The following SCAMP1 variants were observed in gnomAD, a reference collection of about 807,000 sequenced individuals.
The protein encoded by SCAMP1 is secretory carrier-associated membrane protein 1.
In SCAMP1, 15 loss-of-function variants were observed where a neutral mutation model predicts 41.8. That is an observed-to-expected ratio of 0.36 (90% CI 0.24 to 0.55). The LOEUF is 0.55. Ranked by LOEUF, SCAMP1 falls within the 20% of genes least tolerant of loss-of-function variation. SCAMP1 has a pLI of 0.86. For synonymous variants in SCAMP1, 135 were observed against 136.8 expected, an observed-to-expected ratio of 0.99 and a Z score of 0.09; for missense variants, 341 against 412.6, an observed-to-expected ratio of 0.83 and a Z score of 1.50.
chr5:78,469,832 A>C (rs1320860837), intron 8 of SCAMP1, among the ~76,000 whole-genome samples: 5 of 141,134 alleles, frequency 3.5e-5, no homozygotes, highest in Admixed American at 7.3e-5. Flanking sequence ...TGAGGCGAGG[A>C]GTTTGAGATC....
chr5:78,382,313 T>C (rs1359258656), intron 1 of SCAMP1, among the ~76,000 whole-genome samples: 2 of 152,236 alleles, frequency 1.3e-5, no homozygotes, highest in Non-Finnish European at 2.9e-5. Flanking sequence ...GAGATGTTCA[T>C]TATAAATGCT....
At chr5:78,405,323 G>A (rs1444088561) in intron 2 of SCAMP1, among the ~76,000 whole-genome samples, 1 of 151,704 alleles carries the variant, frequency 6.6e-6, no homozygotes, top group Non-Finnish European at 1.5e-5. Flanking sequence ...TCATCTTGTC[G>A]CACCCTCTCC....
At chr5:78,453,539 A>G (rs1323388774) in intron 7 of SCAMP1, among the ~76,000 whole-genome samples, 166 of 151,434 alleles carry the variant, frequency 1.1e-3, no homozygotes, top group African/African-American at 3.9e-3. Context: ...TGTTCCATTG[A>G]TCTATATCTC....
chr5:78,376,794 G>A (rs12653791), intron 1 of SCAMP1, among the ~76,000 whole-genome samples: 37,358 of 152,090 alleles, frequency 0.25, 4,985 homozygotes, highest in East Asian at 0.54. Context: ...AGAAATACTG[G>A]CAGATTGATC....
intron 6 of SCAMP1, among the ~76,000 whole-genome samples, chr5:78,429,425 T>TG (rs1752546015): frequency 6.6e-6 from 1 of 151,668 alleles, no homozygotes; most frequent in Admixed American, 6.6e-5. Context: ...CCATGATCTG[T>TG]GGAGATAATC....
rs61523492 is a variant in SCAMP1, at chr5:78,382,776, G to GGTGTGTGTGTGTGT, written c.58-6031_58-6018dup. Among the ~76,000 whole-genome samples, 17 of 130,344 alleles carry GGTGTGTGTGTGTGT rather than the reference G, an allele frequency of 1.3e-4. No homozygotes were observed. The East Asian group carries it at 2.7e-3, about 21-fold the overall frequency. The allele number at this position is 130,344 out of a possible 152,430, so 85.5% of individuals were successfully genotyped here. A position where few individuals can be genotyped will look rare whatever the true frequency, so the allele number is the denominator to read the frequency against. ...TTTTCATGGCTGAGTAGTATTCCAT[G>GGTGTGTGTGTGTGT]GTGTGTGTGTGTGTGTGTGTGTGTG... On this transcript the variant is annotated intron_variant, in intron 1 of 8. Transcript: ENST00000621999.
chr5:78,453,801 A>T (rs2112216918), intron 7 of SCAMP1, among the ~76,000 whole-genome samples: 1 of 152,018 alleles, frequency 6.6e-6, no homozygotes, highest in South Asian at 2.1e-4. Context: ...CACGATATTG[A>T]TTCTTCCTAC....
At chr5:78,377,402 T>C (rs1251235594) in intron 1 of SCAMP1, among the ~76,000 whole-genome samples, 2 of 152,162 alleles carry the variant, frequency 1.3e-5, no homozygotes, top group South Asian at 2.1e-4. Flanking sequence ...TTATGTCTCA[T>C]ATTCAGTCTC....
intron 6 of SCAMP1, among the ~76,000 whole-genome samples, chr5:78,448,953 T>C (rs953293068): frequency 2.0e-5 from 3 of 151,548 alleles, no homozygotes; most frequent in Non-Finnish European, 2.9e-5. Flanking sequence ...TGAGCCAAGA[T>C]TGCGCCATTG....
chr5:78,474,580 A>C (rs1029078011), intron 8 of SCAMP1, among the ~76,000 whole-genome samples: 1 of 152,060 alleles, frequency 6.6e-6, no homozygotes, highest in African/African-American at 2.4e-5. Flanking sequence ...ACCAGTTCCT[A>C]TCCAGGTTTG....
intron 2 of SCAMP1, among the ~76,000 whole-genome samples, chr5:78,390,331 A>G (rs1023471807): frequency 2.6e-5 from 4 of 152,224 alleles, no homozygotes; most frequent in Admixed American, 6.5e-5. Flanking sequence ...GCCTTTGCTT[A>G]TATGTAGCAA....
chr5:78,416,575 G>A lies in SCAMP1; in HGVS notation c.269G>A (p.Arg90His), dbSNP rs763582841. Residue 90 changes from arginine to histidine, a missense_variant, in exon 4 of 9, where the codon CGC becomes CAC. Arg to His is a conservative substitution (Grantham distance 29). Coordinates refer to ENST00000621999, the MANE Select transcript of SCAMP1 (RefSeq NM_004866.6). ...TTGGCCCAAGCTGAACTTCTTAAGC[G>A]CCAGGAAGAACTAGAAAGAAAAGCC... ...HALAQAELLKRQEELERKAAE... is the reference protein window; with the variant it reads ...HALAQAELLKHQEELERKAAE... The A allele has an allele frequency of 3.0e-5, 48 of 1,598,200 alleles. No homozygotes were observed. The highest frequency in any genetic ancestry group is 1.0e-4 in the Admixed American group (6 of 58,114).
rs781006533 is a variant in SCAMP1, at chr5:78,478,503, C to CT, written c.*2837dup. ...ACCTTTACAGGTAATGGAACATGAG[C>CT]TTCACCCATATTAAATATTTTGGCC... On this transcript the variant is annotated 3_prime_UTR_variant, in exon 9 of 9. Transcript: ENST00000621999. 3 of 152,232 alleles carry CT rather than the reference C, an allele frequency of 2.0e-5. No homozygotes were observed. Among genetic ancestry groups the CT allele is most frequent in the Non-Finnish European group, 4.4e-5 (3 of 67,972 alleles). The allele number at this position is 152,232 out of a possible 1,614,324, so 9.4% of individuals were successfully genotyped here. A position where few individuals can be genotyped will look rare whatever the true frequency, so the allele number is the denominator to read the frequency against.
At chr5:78,376,646 T>C (rs1362716010) in intron 1 of SCAMP1, among the ~76,000 whole-genome samples, 2 of 152,184 alleles carry the variant, frequency 1.3e-5, no homozygotes, top group African/African-American at 4.8e-5. Flanking sequence ...TACTTCACAT[T>C]AATTATATCT....
intron 1 of SCAMP1, among the ~76,000 whole-genome samples, chr5:78,371,985 A>G (rs1750953848): frequency 6.6e-6 from 1 of 152,208 alleles, no homozygotes; most frequent in Non-Finnish European, 1.5e-5. Flanking sequence ...TAGTAGAAGA[A>G]AACACAAAAC....
chr5:78,449,067 T>C (rs1753152011), intron 6 of SCAMP1, among the ~76,000 whole-genome samples: 1 of 152,010 alleles, frequency 6.6e-6, no homozygotes, highest in South Asian at 2.1e-4. Flanking sequence ...GGCAGTTTCT[T>C]AAAAAGTTAA....
At chr5:78,397,862 T>TAACAA (rs1751690779) in intron 2 of SCAMP1, among the ~76,000 whole-genome samples, 1 of 152,200 alleles carries the variant, frequency 6.6e-6, no homozygotes, top group Non-Finnish European at 1.5e-5. Context: ...TTCAACATTG[T>TAACAA]TAGCTGTCAA....
At chr5:78,404,011 A>T (rs1379450633) in intron 2 of SCAMP1, among the ~76,000 whole-genome samples, 1 of 143,462 alleles carries the variant, frequency 7.0e-6, no homozygotes, top group Admixed American at 7.4e-5. Flanking sequence ...TGTCCTAGCT[A>T]CTCAGGAGGC....
At chr5:78,451,355 T>C (rs373610443) in intron 7 of SCAMP1, among the ~76,000 whole-genome samples, 6 of 152,308 alleles carry the variant, frequency 3.9e-5, no homozygotes, top group African/African-American at 1.4e-4. Flanking sequence ...AATAATCTTG[T>C]AGAACTATAG....
Sources: gnomAD v4.1 joint callset for allele counts (sites outside exome capture counted in the v4.1 genomes callset) on GRCh38, gnomAD v4.1.1 for gene constraint, MANE v1.5 for transcripts, NCBI Gene and HGNC (gene_info 2026-07-23, HGNC 2026-07-21) for gene names.